SYT16: variants seen among roughly 807,000 people sequenced by gnomAD.
SYT16 encodes the protein synaptotagmin 16, also known as synaptotagmin-16.
SYT16 carries 42 observed loss-of-function variants against 61.4 expected under a neutral mutation model. The observed-to-expected ratio is 0.68, with a 90% CI of 0.53 to 0.89. SYT16 has a LOEUF of 0.89. Among genes scored for constraint, SYT16 ranks in the 40% least tolerant of loss-of-function variants. The pLI, the probability that SYT16 is intolerant of heterozygous loss-of-function variation, is 0.00. For missense variants in SYT16, 804 were observed against 807.3 expected, an observed-to-expected ratio of 1.00 and a Z score of 0.05; for synonymous variants, 314 against 302.3, an observed-to-expected ratio of 1.04 and a Z score of -0.40.
At chr14:62,095,475 T>G (rs995278555) in intron 7 of SYT16, among the ~76,000 whole-genome samples, 6 of 151,850 alleles carry the variant, frequency 4.0e-5, no homozygotes, top group African/African-American at 7.2e-5. Flanking sequence ...AAGTGGAGCT[T>G]TAAAATGTTA....
rs79393168 is a variant in SYT16, at chr14:61,886,599, A to G, written c.-325+73789A>G. 8.7e-3 allele frequency among the ~76,000 whole-genome samples: 1,324 copies of G among 152,346 alleles called. 10 individuals are homozygous for G. The highest frequency in any genetic ancestry group is 0.013 in the Non-Finnish European group (886 of 68,034). ...CAAGTTTGACCATAAGATTGCATCAATTCATTCAGATCTTTAGGCTCCACG... is the reference window on the plus strand; with the variant it reads ...CAAGTTTGACCATAAGATTGCATCAGTTCATTCAGATCTTTAGGCTCCACG... On this transcript the variant is annotated intron_variant, in intron 1 of 7. Transcript: ENST00000683842.
chr14:61,922,826 G>A (rs1033556784), intron 1 of SYT16, among the ~76,000 whole-genome samples: 3 of 152,156 alleles, frequency 2.0e-5, no homozygotes, highest in Non-Finnish European at 4.4e-5. Flanking sequence ...AAGGCAGGCC[G>A]ATCACAAGGT....
At chr14:61,902,307 A>G (rs2048553067) in intron 1 of SYT16, among the ~76,000 whole-genome samples, 2 of 152,208 alleles carry the variant, frequency 1.3e-5, no homozygotes, top group South Asian at 4.1e-4. Flanking sequence ...GGCACAGCCT[A>G]AAAGACCTTC....
chr14:62,026,433 C>G (rs759765847), intron 3 of SYT16, among the ~76,000 whole-genome samples: 54 of 152,184 alleles, frequency 3.5e-4, no homozygotes, highest in South Asian at 4.1e-4. Context: ...TGCATCCTCA[C>G]ATGGCAGAAG....
intron 3 of SYT16, among the ~76,000 whole-genome samples, chr14:62,001,579 A>AT (rs769334604): frequency 6.0e-5 from 9 of 150,230 alleles, no homozygotes; most frequent in South Asian, 2.1e-4. Flanking sequence ...ATGTTTTGGT[A>AT]TTTGTTTTTC....
chr14:61,858,263 G>C (rs1300186940), intron 1 of SYT16, among the ~76,000 whole-genome samples: 2 of 152,044 alleles, frequency 1.3e-5, no homozygotes, highest in African/African-American at 4.8e-5. Flanking sequence ...GCATACAGGG[G>C]AAAGACTTTT....
intron 1 of SYT16, among the ~76,000 whole-genome samples, chr14:61,869,734 T>C (rs977142949): frequency 6.6e-6 from 1 of 151,056 alleles, no homozygotes; most frequent in Non-Finnish European, 1.5e-5. Context: ...TGAATGAGAT[T>C]AGGGTCCTTA....
chr14:61,968,922 C>CTA (rs2051429192), intron 1 of SYT16, among the ~76,000 whole-genome samples: 1 of 152,188 alleles, frequency 6.6e-6, no homozygotes, highest in African/African-American at 2.4e-5. Flanking sequence ...ATTTTGCAGA[C>CTA]TATAAAGCTA....
intron 3 of SYT16, among the ~76,000 whole-genome samples, chr14:62,018,444 A>C (rs2053787329): frequency 6.6e-6 from 1 of 150,970 alleles, no homozygotes; most frequent in Non-Finnish European, 1.5e-5. Context: ...AGTAACTGGG[A>C]TTATAGGCAC....
At chr14:61,923,378 C>T (rs144171957) in intron 1 of SYT16, among the ~76,000 whole-genome samples, 106 of 152,228 alleles carry the variant, frequency 7.0e-4, no homozygotes, top group Middle Eastern at 3.4e-3. Context: ...TCAGTTAGGA[C>T]TAAATTCAGC....
At chr14:61,911,752 G>A (rs908790099) in intron 1 of SYT16, among the ~76,000 whole-genome samples, 17 of 152,236 alleles carry the variant, frequency 1.1e-4, no homozygotes, top group African/African-American at 2.6e-4. Context: ...TTGGCCACTC[G>A]GTGCAGTGAA....
chr14:61,946,565 A>G (rs2050446940), intron 1 of SYT16, among the ~76,000 whole-genome samples: 1 of 152,176 alleles, frequency 6.6e-6, no homozygotes, highest in African/African-American at 2.4e-5. Context: ...TAAAAAAGAA[A>G]ACATTCTCAG....
chr14:62,045,883 T>C (rs1401921535), intron 3 of SYT16, among the ~76,000 whole-genome samples: 1 of 152,246 alleles, frequency 6.6e-6, no homozygotes, highest in Non-Finnish European at 1.5e-5. Context: ...TCCAAGTCTT[T>C]GCTATTGTGA....
intron 3 of SYT16, among the ~76,000 whole-genome samples, chr14:62,023,231 T>C (rs944972986): frequency 2.6e-5 from 4 of 152,196 alleles, no homozygotes; most frequent in African/African-American, 9.6e-5. Flanking sequence ...TTTTAGGCTT[T>C]GTTTGGGTAG....
rs143297094 is a variant in SYT16, at chr14:61,898,495, G to C, written c.-324-71637G>C. 4.9e-3 allele frequency among the ~76,000 whole-genome samples: 739 copies of C among 152,288 alleles called. 14 individuals are homozygous for C. The highest frequency in any genetic ancestry group is 0.045 in the Admixed American group (682 of 15,298). ...TCTGGCATCCTGGGTGAGGTTTAGG[G>C]AGTTGTCAGATCTCATGGAGGAAAT... On this transcript the variant is annotated intron_variant, in intron 1 of 7. Transcript: ENST00000683842.
At chr14:62,011,131 T>C (rs975359129) in intron 3 of SYT16, among the ~76,000 whole-genome samples, 1 of 152,152 alleles carries the variant, frequency 6.6e-6, no homozygotes, top group Non-Finnish European at 1.5e-5. Flanking sequence ...AAATTAGGAA[T>C]TTCTCGGTTT....
chr14:61,835,983 G>T (rs1014037835), intron 1 of SYT16, among the ~76,000 whole-genome samples: 14 of 152,260 alleles, frequency 9.2e-5, no homozygotes, highest in Admixed American at 7.8e-4. Flanking sequence ...GACTAGTAAC[G>T]TTGCCATCAC....
intron 3 of SYT16, among the ~76,000 whole-genome samples, chr14:62,008,631 C>CTTTTTT (rs374026559): frequency 1.5e-5 from 2 of 134,946 alleles, no homozygotes; most frequent in African/African-American, 2.7e-5. Context: ...TTTCTGTTTT[C>CTTTTTT]TTTTTTTTTT....
rs1318195661 is a variant in SYT16 at position 62,110,029 on chromosome 14, G to A, written c.*9322G>A. ...CACTGATAGTCACTCTGGGTGAAGG[G>A]GGAGGCCTGGCCAATGATTTGTATC... On this transcript the variant is annotated 3_prime_UTR_variant, in exon 8 of 8. Transcript: ENST00000683842. 1 of 152,176 alleles carries A rather than the reference G, an allele frequency of 6.6e-6. No individual in the cohort carries two copies. Among genetic ancestry groups the A allele is most frequent in the African/African-American group, 2.4e-5 (1 of 41,450 alleles). The allele number at this position is 152,176 out of a possible 1,614,324, so 9.4% of individuals were successfully genotyped here.
Sources: allele counts gnomAD v4.1 joint callset (sites outside exome capture counted in the v4.1 genomes callset), GRCh38; gene constraint gnomAD v4.1.1; transcripts MANE v1.5; gene names NCBI Gene and HGNC (gene_info 2026-07-23, HGNC 2026-07-21).